Variants in SV2C observed in about 807,000 individuals in gnomAD.
SV2C encodes the protein synaptic vesicle glycoprotein 2C, also known as solute carrier family 22 member B3.
Under a neutral mutation model 79.7 loss-of-function variants are expected in SV2C, and 49 were observed. That is an observed-to-expected ratio of 0.61 (90% confidence interval 0.49 to 0.78). The LOEUF (loss-of-function observed/expected upper bound fraction) is 0.78. Ranked by LOEUF, SV2C falls within the 30% of genes least tolerant of loss-of-function variation. The probability of loss-of-function intolerance (pLI) is 0.00; values close to 1 mark genes in which losing one functional copy is unlikely to be tolerated. For missense variants in SV2C, 833 were observed against 912.9 expected, an observed-to-expected ratio of 0.91 and a Z score of 1.13; for synonymous variants, 334 against 333.2, an observed-to-expected ratio of 1.00 and a Z score of -0.03.
intron 12 of SV2C, among the ~76,000 whole-genome samples, chr5:76,303,667 A>T (rs1258089314): frequency 6.6e-6 from 1 of 152,202 alleles, no homozygotes; most frequent in Non-Finnish European, 1.5e-5. Context: ...CATAAATTGA[A>T]ATTGGTCAGG....
At chr5:76,211,364 A>G (rs1744762042) in intron 4 of SV2C, among the ~76,000 whole-genome samples, 1 of 152,178 alleles carries the variant, frequency 6.6e-6, no homozygotes, top group African/African-American at 2.4e-5. Context: ...AAAAGCTCCA[A>G]GTTGCTTCAT....
intron 8 of SV2C, among the ~76,000 whole-genome samples, chr5:76,295,133 T>C (rs149286337): frequency 8.8e-4 from 134 of 152,322 alleles, no homozygotes; most frequent in African/African-American, 3.2e-3. Context: ...ACAGGTAATT[T>C]GTAAATAATA....
chr5:76,115,314 A>G (rs549172925), intron 1 of SV2C, among the ~76,000 whole-genome samples: 20 of 152,160 alleles, frequency 1.3e-4, no homozygotes, highest in Non-Finnish European at 2.9e-4. Context: ...TAATTTATAG[A>G]TTGTCTTTTT....
intron 2 of SV2C, among the ~76,000 whole-genome samples, chr5:76,144,082 G>A (rs1288654103): frequency 2.0e-5 from 3 of 152,054 alleles, no homozygotes; most frequent in South Asian, 2.1e-4. Flanking sequence ...TGGTGGTTAC[G>A]CAACAATGTG....
At chr5:75,878,554 C>T in the SV2C span, among the ~76,000 whole-genome samples, 1 of 152,096 alleles carries the variant, frequency 6.6e-6, no homozygotes, top group African/African-American at 2.4e-5. Context: ...AAACTGAGTT[C>T]AAGCCCTAAA....
intron 3 of SV2C, among the ~76,000 whole-genome samples, chr5:76,198,715 G>A (rs1267765999): frequency 1.3e-5 from 2 of 152,106 alleles, no homozygotes; most frequent in East Asian, 3.8e-4. Flanking sequence ...TACCTTCATG[G>A]CCCAGGGTTT....
At chr5:76,321,237 A>C (rs545554188) in intron 12 of SV2C, among the ~76,000 whole-genome samples, 6 of 152,174 alleles carry the variant, frequency 3.9e-5, no homozygotes, top group African/African-American at 1.2e-4. Context: ...CAAATCAAAC[A>C]AAGAAAGATG....
At chr5:76,072,640 G>A in the SV2C span, among the ~76,000 whole-genome samples, 2 of 152,134 alleles carry the variant, frequency 1.3e-5, no homozygotes, top group African/African-American at 2.4e-5. Flanking sequence ...GGGATTGCTG[G>A]ATCAAATAGT....
intron 4 of SV2C, among the ~76,000 whole-genome samples, chr5:76,251,478 G>A (rs986036086): frequency 7.2e-5 from 11 of 152,150 alleles, no homozygotes; most frequent in African/African-American, 2.7e-4. Flanking sequence ...TTGAGCCCAG[G>A]AGTTAGAGGC....
the SV2C span, among the ~76,000 whole-genome samples, chr5:75,893,215 A>G: frequency 6.6e-6 from 1 of 151,966 alleles, no homozygotes; most frequent in Non-Finnish European, 1.5e-5. Context: ...GGCCACCTGT[A>G]TGTCCTCTTT....
chr5:75,871,870 T>TTA, the SV2C span, among the ~76,000 whole-genome samples: 8,822 of 146,410 alleles, frequency 0.06, 317 homozygotes, highest in Admixed American at 0.083. Context: ...TATATATATT[T>TTA]TTATTATTAT....
downstream of SV2C, among the ~76,000 whole-genome samples, chr5:76,338,094 G>A (rs1157799806): frequency 6.6e-6 from 1 of 152,222 alleles, no homozygotes; most frequent in Non-Finnish European, 1.5e-5. Flanking sequence ...ATCCTCTCCT[G>A]TAATTTGCAG....
intron 1 of SV2C, among the ~76,000 whole-genome samples, chr5:76,127,817 G>A (rs1447597473): frequency 6.6e-6 from 1 of 152,134 alleles, no homozygotes; most frequent in African/African-American, 2.4e-5. Context: ...ACCTTTGCCC[G>A]AGTGGGGAAA....
intron 4 of SV2C, among the ~76,000 whole-genome samples, chr5:76,229,399 C>T (rs1030362345): frequency 9.2e-5 from 14 of 152,216 alleles, no homozygotes; most frequent in Admixed American, 5.9e-4. Flanking sequence ...AAAATGGATG[C>T]GATGAACTAT....
intron 3 of SV2C, among the ~76,000 whole-genome samples, chr5:76,203,473 G>C (rs1744514592): frequency 6.6e-6 from 1 of 152,164 alleles, no homozygotes. Context: ...GGCACCTTTA[G>C]ATGCTATGGG....
intron 2 of SV2C, among the ~76,000 whole-genome samples, chr5:76,165,336 T>C (rs1384758298): frequency 1.3e-5 from 2 of 152,228 alleles, no homozygotes; most frequent in Admixed American, 6.5e-5. Context: ...TTCACCATTT[T>C]TTTTTACATC....
At chr5:75,851,023 C>T in the SV2C span, among the ~76,000 whole-genome samples, 1 of 152,210 alleles carries the variant, frequency 6.6e-6, no homozygotes, top group African/African-American at 2.4e-5. Flanking sequence ...CCTACTCCCA[C>T]CAGCCTAACT....
the SV2C span, among the ~76,000 whole-genome samples, chr5:76,012,797 G>T: frequency 1.0e-3 from 155 of 152,228 alleles, 1 homozygote; most frequent in African/African-American, 3.6e-3. Flanking sequence ...TGTAAGGAAG[G>T]GGTCCAGTTT....
chr5:75,960,592 T>A, the SV2C span, among the ~76,000 whole-genome samples: 3 of 151,994 alleles, frequency 2.0e-5, no homozygotes, highest in Admixed American at 2.0e-4. Flanking sequence ...GTCTTTTACT[T>A]TGTATAGATC....
Sources: allele counts gnomAD v4.1 joint callset (sites outside exome capture counted in the v4.1 genomes callset), GRCh38; gene constraint gnomAD v4.1.1; transcripts MANE v1.5; gene names NCBI Gene and HGNC (gene_info 2026-07-23, HGNC 2026-07-21).